Variants in LRP6 observed in about 807,000 individuals in gnomAD.
LRP6 encodes LDL receptor related protein 6.
A neutral mutation model predicts 184.1 loss-of-function variants in LRP6; 43 were observed. That is an observed-to-expected ratio of 0.23 (90% confidence interval 0.18 to 0.30). The LOEUF is 0.30. Among genes scored for constraint, LRP6 ranks in the 10% least tolerant of loss-of-function variants. LRP6 has a pLI of 1.00. For synonymous variants in LRP6, 719 were observed against 684.9 expected (o/e 1.05, Z -0.78); for missense variants, 1,571 against 2,005.3 (o/e 0.78, Z 4.14).
intron 2 of LRP6, among the ~76,000 whole-genome samples, chr12:12,235,538 C>T (rs1864910149): frequency 6.6e-6 from 1 of 151,990 alleles, no homozygotes. Flanking sequence ...CGAGACCAGC[C>T]TGACCAACAT....
At chr12:12,262,545 G>A (rs1277979881) in intron 1 of LRP6, among the ~76,000 whole-genome samples, 2 of 146,650 alleles carry the variant, frequency 1.4e-5, no homozygotes, top group African/African-American at 2.5e-5. Context: ...GCGACAGAGC[G>A]AGACTCCGTC....
intron 5 of LRP6, among the ~76,000 whole-genome samples, chr12:12,181,649 C>A (rs1318138521): frequency 6.6e-6 from 1 of 152,142 alleles, no homozygotes; most frequent in African/African-American, 2.4e-5. Context: ...GGCTAACTCT[C>A]CAAATTAAGT....
chr12:12,226,057 G>GAGAA (rs1430763152), intron 2 of LRP6, among the ~76,000 whole-genome samples: 1 of 152,128 alleles, frequency 6.6e-6, no homozygotes, highest in African/African-American at 2.4e-5. Context: ...CACAGAAGAA[G>GAGAA]AGAAATACTT....
At chr12:12,166,672 A>G (rs1410524795) in intron 7 of LRP6, among the ~76,000 whole-genome samples, 1 of 152,248 alleles carries the variant, frequency 6.6e-6, no homozygotes, top group African/African-American at 2.4e-5. Context: ...CTTTTAAAGA[A>G]TAACACTTAT....
At chr12:12,228,879 T>C (rs1388892389) in intron 2 of LRP6, among the ~76,000 whole-genome samples, 2 of 151,948 alleles carry the variant, frequency 1.3e-5, no homozygotes, top group African/African-American at 2.4e-5. Context: ...AAAATGGCAA[T>C]AGGCCCCAGC....
chr12:12,262,339 A>G (rs1865635494), intron 1 of LRP6, among the ~76,000 whole-genome samples: 1 of 152,126 alleles, frequency 6.6e-6, no homozygotes, highest in Non-Finnish European at 1.5e-5. Flanking sequence ...AGATCATGCC[A>G]CTGCACTCCA....
chr12:12,180,658 GA>G (rs34010190), intron 6 of LRP6, among the ~76,000 whole-genome samples: 9 of 151,526 alleles, frequency 5.9e-5, no homozygotes, highest in East Asian at 1.9e-4. Context: ...TGTATTTAGG[GA>G]AAAAAAAGTA....
intron 2 of LRP6, among the ~76,000 whole-genome samples, chr12:12,222,403 T>C (rs961372934): frequency 1.3e-5 from 2 of 151,574 alleles, no homozygotes; most frequent in African/African-American, 4.9e-5. Flanking sequence ...TCATCTCTAC[T>C]AAAAATACAA....
Position 12,159,937 on chromosome 12 carries a change from T to C in LRP6, c.2307A>G (p.Gly769=). 2 of 1,613,146 alleles carry C rather than the reference T, an allele frequency of 1.2e-6. No homozygotes were observed. Among genetic ancestry groups the C allele is most frequent in the South Asian group, 2.2e-5 (2 of 90,824 alleles). Residue 769 remains glycine (G), a synonymous_variant, in exon 11 of 23, where the codon GGA becomes GGG. Coordinates refer to ENST00000261349, the MANE Select transcript of LRP6 (RefSeq NM_002336.3). The part of the protein sequence containing the change: ...EGFMYWTEWG[G]KPKIDRAAMD... ...TTGCAGCTCTGTCTATCTTAGGTTT[T>C]CCACCCCATTCAGTCCAATACATAA...
intron 2 of LRP6, among the ~76,000 whole-genome samples, chr12:12,233,405 T>A (rs186110360): frequency 2.0e-5 from 3 of 151,994 alleles, no homozygotes; most frequent in Non-Finnish European, 4.4e-5. Flanking sequence ...GAGGCGGAGG[T>A]TGCAGTGAGC....
chr12:12,122,659 G>A (rs1246560579), intron 22 of LRP6, among the ~76,000 whole-genome samples: 2 of 151,810 alleles, frequency 1.3e-5, no homozygotes, highest in Non-Finnish European at 1.5e-5. Flanking sequence ...GCAAGACCCC[G>A]TCTCTACAAA....
chr12:12,186,916 C>A lies in LRP6; in HGVS notation c.844+7G>T. 1 of 1,613,426 alleles carries A rather than the reference C, an allele frequency of 6.2e-7. No individual in the cohort carries two copies. The highest frequency in any genetic ancestry group is 1.1e-5 in the South Asian group (1 of 91,066). On this transcript the variant is annotated splice_region_variant and intron_variant, in intron 4 of 22. Coordinates refer to ENST00000261349, the MANE Select transcript of LRP6 (RefSeq NM_002336.3). ...AACTTGCAATTTAAAAATCAAGGAT[C>A]ACTTACCATTTGGCTGCCTCTGTTG...
rs1401215659 is a variant in LRP6, at chr12:12,188,700, T to G, written c.648-1581A>C. Among the ~76,000 whole-genome samples the G allele has an allele frequency of 2.0e-5, 3 of 152,312 alleles. No homozygotes were observed. In the East Asian group the frequency reaches 5.8e-4, roughly 29 times the overall value. On this transcript the variant is annotated intron_variant, in intron 3 of 22. Transcript: ENST00000261349. ...ATCCTCTCTTCCCTAAGTAAAAAGCTCACTATTCCTTCTAATTTCCCAAAG... is the reference window on the plus strand; with the variant it reads ...ATCCTCTCTTCCCTAAGTAAAAAGCGCACTATTCCTTCTAATTTCCCAAAG...
chr12:12,263,209 G>T (rs1019257707), intron 1 of LRP6, among the ~76,000 whole-genome samples: 1 of 150,288 alleles, frequency 6.7e-6, no homozygotes, highest in Non-Finnish European at 1.5e-5. Flanking sequence ...AGGTTGCAGT[G>T]AGCCGAGATC....
intron 8 of LRP6, among the ~76,000 whole-genome samples, 168 bp downstream of exon 8, chr12:12,164,911 C>A (rs1862831239): frequency 1.4e-5 from 1 of 70,184 alleles, no homozygotes; most frequent in Non-Finnish European, 2.9e-5. Context: ...TAAAAGGTCC[C>A]TTCTCAGTAA....
At chr12:12,248,345 T>C (rs1377334794) in intron 1 of LRP6, among the ~76,000 whole-genome samples, 1 of 152,180 alleles carries the variant, frequency 6.6e-6, no homozygotes, top group South Asian at 2.1e-4. Flanking sequence ...AACATTGGTA[T>C]ATATACTTCA....
At chr12:12,167,728 A>C (rs1364337787) in intron 7 of LRP6, among the ~76,000 whole-genome samples, 4 of 152,144 alleles carry the variant, frequency 2.6e-5, no homozygotes, top group Non-Finnish European at 2.9e-5. Flanking sequence ...GCACAGTATT[A>C]GGTGCACTAT....
At chr12:12,214,656 AC>A (rs1238540778) in intron 2 of LRP6, among the ~76,000 whole-genome samples, 1 of 152,208 alleles carries the variant, frequency 6.6e-6, no homozygotes, top group Non-Finnish European at 1.5e-5. Context: ...TTTTCCTTTA[AC>A]TATCAGAGCC....
chr12:12,225,152 G>A (rs191571985), intron 2 of LRP6, among the ~76,000 whole-genome samples: 4 of 152,274 alleles, frequency 2.6e-5, no homozygotes, highest in East Asian at 1.9e-4. Flanking sequence ...ATGGGAGGAT[G>A]CAGTGAGCCA....
Sources: gnomAD v4.1 joint callset for allele counts (sites outside exome capture counted in the v4.1 genomes callset) on GRCh38, gnomAD v4.1.1 for gene constraint, MANE v1.5 for transcripts, NCBI Gene and HGNC (gene_info 2026-07-23, HGNC 2026-07-21) for gene names.